Variants in RSRC1 observed in about 807,000 individuals in gnomAD.
RSRC1 encodes the protein serine/Arginine-related protein 53.
Under a neutral mutation model 49.1 loss-of-function variants are expected in RSRC1, and 39 were observed. The observed-to-expected ratio is 0.79, with a 90% CI of 0.61 to 1.04. The LOEUF (loss-of-function observed/expected upper bound fraction) is 1.04, where lower values mean the gene tolerates loss of function less well. RSRC1 is among the 50% of genes least tolerant of loss of function. RSRC1 has a pLI of 0.00. For missense variants in RSRC1, 388 were observed against 402.4 expected, an observed-to-expected ratio of 0.96 and a Z score of 0.31; for synonymous variants, 143 against 130.8, an observed-to-expected ratio of 1.09 and a Z score of -0.63.
intron 6 of RSRC1, among the ~76,000 whole-genome samples, chr3:158,384,688 C>T (rs1732873994): frequency 1.3e-5 from 2 of 152,192 alleles, no homozygotes; most frequent in African/African-American, 4.8e-5. Flanking sequence ...GAAACTTGGC[C>T]TTCAATAAAG....
intron 3 of RSRC1, among the ~76,000 whole-genome samples, chr3:158,201,964 TA>T (rs569176188): frequency 6.6e-5 from 10 of 152,282 alleles, no homozygotes; most frequent in African/African-American, 2.4e-4. Flanking sequence ...TACCTTTGTT[TA>T]TTTTTTTGTT....
intron 3 of RSRC1, among the ~76,000 whole-genome samples, chr3:158,173,277 A>G (rs1201244862): frequency 1.3e-5 from 2 of 152,004 alleles, no homozygotes; most frequent in African/African-American, 2.4e-5. Context: ...CCATTTGCTC[A>G]TAACTCAATT....
chr3:158,327,582 C>A (rs1195623287), intron 5 of RSRC1, among the ~76,000 whole-genome samples: 6 of 152,084 alleles, frequency 3.9e-5, no homozygotes, highest in African/African-American at 7.2e-5. Flanking sequence ...TTTGATTGCA[C>A]TGTGGTCTGA....
intron 3 of RSRC1, among the ~76,000 whole-genome samples, chr3:158,190,831 C>T (rs1720200158): frequency 6.6e-6 from 1 of 152,000 alleles, no homozygotes; most frequent in Non-Finnish European, 1.5e-5. Context: ...CAGTAATAGA[C>T]AATACTGTGG....
At chr3:158,289,975 G>C (rs1315632613) in intron 4 of RSRC1, among the ~76,000 whole-genome samples, 1 of 150,644 alleles carries the variant, frequency 6.6e-6, no homozygotes, top group East Asian at 2.0e-4. Flanking sequence ...TTTGATGTTT[G>C]AAAATGAGAC....
intron 5 of RSRC1, among the ~76,000 whole-genome samples, chr3:158,334,740 C>T (rs989701199): frequency 6.6e-6 from 1 of 151,144 alleles, no homozygotes; most frequent in Admixed American, 6.6e-5. Flanking sequence ...AGGATGGTCT[C>T]GATCTCCTGA....
chr3:158,530,929 C>CT (rs1712361647), intron 7 of RSRC1, among the ~76,000 whole-genome samples: 1 of 116,828 alleles, frequency 8.6e-6, no homozygotes, highest in African/African-American at 3.5e-5. Context: ...AAAAAAGAAA[C>CT]TTAAAAAAAA....
chr3:158,245,004 G>GTTTTTTTT (rs3052859), intron 4 of RSRC1, among the ~76,000 whole-genome samples: 7 of 128,924 alleles, frequency 5.4e-5, no homozygotes, highest in East Asian at 2.3e-4. Flanking sequence ...TTTTTCAAAG[G>GTTTTTTTT]TTTTTTTTTT....
intron 6 of RSRC1, among the ~76,000 whole-genome samples, chr3:158,440,660 C>T (rs1343751496): frequency 6.6e-6 from 1 of 152,004 alleles, no homozygotes; most frequent in East Asian, 1.9e-4. Flanking sequence ...ATTAGAGAAA[C>T]CAGTTGGGCG....
At chr3:158,190,416 G>T (rs914931554) in intron 3 of RSRC1, among the ~76,000 whole-genome samples, 1 of 151,326 alleles carries the variant, frequency 6.6e-6, no homozygotes, top group South Asian at 2.1e-4. Flanking sequence ...TACTACTTTT[G>T]TTTTCTTTCT....
chr3:158,339,027 T>G (rs1281031117), intron 5 of RSRC1, among the ~76,000 whole-genome samples: 1 of 151,656 alleles, frequency 6.6e-6, no homozygotes, highest in Non-Finnish European at 1.5e-5. Context: ...GCGCGGTGGC[T>G]CACGCCTGTA....
chr3:158,254,898 C>T (rs1213431058), intron 4 of RSRC1, among the ~76,000 whole-genome samples: 2 of 152,144 alleles, frequency 1.3e-5, no homozygotes, highest in African/African-American at 4.8e-5. Flanking sequence ...ATCCTCTACC[C>T]ACTTTTTGAT....
chr3:158,296,429 TTG>T (rs147168544), intron 4 of RSRC1, among the ~76,000 whole-genome samples: 37 of 148,558 alleles, frequency 2.5e-4, no homozygotes, highest in South Asian at 8.5e-4. Flanking sequence ...TAATTTTATT[TTG>T]TGTGTGTGTG....
intron 3 of RSRC1, among the ~76,000 whole-genome samples, chr3:158,185,008 A>C (rs554337169): frequency 2.2e-5 from 3 of 133,852 alleles, no homozygotes; most frequent in African/African-American, 8.6e-5. Flanking sequence ...TTGATTTTAC[A>C]ATCATATTTG....
At chr3:158,231,939 A>G (rs1366511343) in intron 4 of RSRC1, among the ~76,000 whole-genome samples, 2 of 152,180 alleles carry the variant, frequency 1.3e-5, no homozygotes, top group Admixed American at 1.3e-4. Context: ...AAAGTGAAAA[A>G]TAGTAAAACA....
Position 158,215,828 on chromosome 3 carries a change from G to A in RSRC1, c.494+12583G>A, listed in dbSNP as rs561641085. On this transcript the variant is annotated intron_variant, in intron 4 of 9. Transcript: ENST00000611884. ...AGTTTATAGTTTTTGCTTTAAACTG[G>A]CAAAGATATTTTAGGATGAGGAGAT... is the stretch of plus-strand genomic sequence containing the variant. 6.6e-5 allele frequency among the ~76,000 whole-genome samples: 10 copies of A among 151,856 alleles called. No homozygotes were observed. The South Asian group carries it at 2.1e-3, about 31-fold the overall frequency.
At chr3:158,540,683 TCTTTAA>T (rs1249810933) in intron 8 of RSRC1, among the ~76,000 whole-genome samples, 1 of 152,158 alleles carries the variant, frequency 6.6e-6, no homozygotes, top group East Asian at 1.9e-4. Flanking sequence ...ATCATCTCAT[TCTTTAA>T]CTTTTATAGT....
intron 7 of RSRC1, among the ~76,000 whole-genome samples, chr3:158,479,262 T>C (rs1738515372): frequency 6.7e-6 from 1 of 148,496 alleles, no homozygotes; most frequent in South Asian, 2.1e-4. Context: ...TTAAATATAA[T>C]ATAAAATATA....
At chr3:158,521,644 A>G (rs1023566491) in intron 7 of RSRC1, among the ~76,000 whole-genome samples, 2 of 152,128 alleles carry the variant, frequency 1.3e-5, no homozygotes, top group Non-Finnish European at 2.9e-5. Context: ...TTAGAGCACT[A>G]ATATTCACAG....
Sources: gnomAD v4.1 joint callset for allele counts (sites outside exome capture counted in the v4.1 genomes callset) on GRCh38, gnomAD v4.1.1 for gene constraint, MANE v1.5 for transcripts, NCBI Gene and HGNC (gene_info 2026-07-23, HGNC 2026-07-21) for gene names.